The following COL21A1 variants were observed in gnomAD, a reference collection of about 807,000 sequenced individuals.
The protein encoded by COL21A1 is collagen type XXI alpha 1 chain, also known as collagen alpha-1(XXI) chain.
Under a neutral mutation model 137.9 loss-of-function variants are expected in COL21A1, and 149 were observed. The ratio of observed to expected loss-of-function variants is 1.08; its 90% CI spans 0.95 to 1.24. The LOEUF is 1.24. COL21A1 is among the 50% of genes most tolerant of loss of function. The probability of loss-of-function intolerance (pLI) is 0.00; values close to 1 mark genes in which losing one functional copy is unlikely to be tolerated. For synonymous variants in COL21A1, 456 were observed against 391.5 expected, an observed-to-expected ratio of 1.16 and a Z score of -1.95; for missense variants, 1,167 against 1,158.4, an observed-to-expected ratio of 1.01 and a Z score of -0.11.
chr6:56,386,454 T>G (rs1284030552), intron 1 of COL21A1, among the ~76,000 whole-genome samples: 1 of 152,202 alleles, frequency 6.6e-6, no homozygotes, highest in African/African-American at 2.4e-5. Flanking sequence ...TTACTATACC[T>G]AGGAGTGGAA....
intron 1 of COL21A1, among the ~76,000 whole-genome samples, chr6:56,210,700 A>G (rs1206191888): frequency 6.6e-6 from 1 of 152,206 alleles, no homozygotes; most frequent in Non-Finnish European, 1.5e-5. Context: ...GCTTTTGCCA[A>G]TAAAAAGTAA....
intron 12 of COL21A1, among the ~76,000 whole-genome samples, chr6:56,130,165 T>TTTTATATATATA (rs1414609284): frequency 3.6e-4 from 39 of 107,882 alleles, no homozygotes; most frequent in Non-Finnish European, 5.1e-4. Context: ...TGACAGGGTT[T>TTTTATATATATA]TATATATATA....
chr6:56,310,228 G>A (rs1404769460), intron 1 of COL21A1, among the ~76,000 whole-genome samples: 2 of 152,188 alleles, frequency 1.3e-5, no homozygotes, highest in Non-Finnish European at 2.9e-5. Flanking sequence ...GATTCCTGCA[G>A]ATACAGCCTG....
intron 1 of COL21A1, among the ~76,000 whole-genome samples, chr6:56,196,843 A>G (rs1182176782): frequency 2.0e-5 from 3 of 152,130 alleles, no homozygotes; most frequent in Non-Finnish European, 2.9e-5. Context: ...CATTATCAAG[A>G]TCCCAATGGC....
chr6:56,377,221 C>G (rs948442312), intron 1 of COL21A1, among the ~76,000 whole-genome samples: 1 of 152,074 alleles, frequency 6.6e-6, no homozygotes, highest in African/African-American at 2.4e-5. Context: ...AAACTCCTGA[C>G]CTTGTGATCC....
At chr6:56,392,981 G>A (rs1300704629) in intron 1 of COL21A1, among the ~76,000 whole-genome samples, 1 of 135,920 alleles carries the variant, frequency 7.4e-6, no homozygotes, top group Non-Finnish European at 1.6e-5. Context: ...ATTCTTCACA[G>A]AAAAAGAAAG....
chr6:56,363,468 G>T (rs1413906848), intron 1 of COL21A1, among the ~76,000 whole-genome samples: 3 of 152,144 alleles, frequency 2.0e-5, no homozygotes, highest in Admixed American at 2.0e-4. Flanking sequence ...TTGAATCCAG[G>T]TCTTTGGACT....
At chr6:56,380,368 T>A (rs115226208) in intron 1 of COL21A1, among the ~76,000 whole-genome samples, 2,211 of 152,306 alleles carry the variant, frequency 0.015, 52 homozygotes, top group African/African-American at 0.049. Flanking sequence ...TTTATAGCAA[T>A]GCAAAATGGA....
Position 56,106,638 on chromosome 6 carries a change from A to G in COL21A1, c.1759-5113T>C, listed in dbSNP as rs551171137. ...TATTACAGGTCAAAATATATACAGG[A>G]TAGTTCAAATTTGAAAAGAATTGGC... On this transcript the variant is annotated intron_variant, in intron 16 of 29. Transcript: ENST00000244728. Among the ~76,000 whole-genome samples, 84 of 152,348 alleles carry G rather than the reference A, an allele frequency of 5.5e-4. 2 individuals carry two copies. The South Asian group carries it at 0.016, about 30-fold the overall frequency.
At chr6:56,076,441 C>A (rs1400846465) in intron 18 of COL21A1, among the ~76,000 whole-genome samples, 1 of 150,636 alleles carries the variant, frequency 6.6e-6, no homozygotes, top group East Asian at 2.0e-4. Context: ...TTGTTAGAAA[C>A]AGAATTTAGA....
Position 56,075,543 on chromosome 6 carries a change from CA to C in COL21A1, c.1858-12del, listed in dbSNP as rs1389670985. The C allele has an allele frequency of 2.0e-6, 3 of 1,507,716 alleles. No homozygotes were observed. The highest frequency in any genetic ancestry group is 2.7e-6 in the Non-Finnish European group (3 of 1,126,178). The allele number at this position is 1,507,716 out of a possible 1,614,324, so 93.4% of individuals were successfully genotyped here. ...AGGCCCAATTTCTCCCTAAAAAAAT[CA>C]AACATTAAAAACATTATAAATTGTA... On this transcript the variant is annotated splice_polypyrimidine_tract_variant and intron_variant, in intron 18 of 29. Coordinates refer to ENST00000244728, the MANE Select transcript of COL21A1 (RefSeq NM_030820.4).
intron 16 of COL21A1, among the ~76,000 whole-genome samples, chr6:56,120,594 C>T (rs1208000116): frequency 6.6e-6 from 1 of 151,954 alleles, no homozygotes; most frequent in South Asian, 2.1e-4. Flanking sequence ...GTCAGGAATT[C>T]GAGAACAGCC....
At chr6:56,343,498 C>T (rs1012406720) in intron 1 of COL21A1, among the ~76,000 whole-genome samples, 5 of 152,192 alleles carry the variant, frequency 3.3e-5, no homozygotes, top group Admixed American at 3.3e-4. Context: ...AACTTTATTT[C>T]GACCACATGT....
intron 1 of COL21A1, among the ~76,000 whole-genome samples, chr6:56,231,984 A>G (rs939659198): frequency 6.6e-6 from 1 of 151,880 alleles, no homozygotes; most frequent in African/African-American, 2.4e-5. Flanking sequence ...GAGATTTCTT[A>G]AACTATTTGA....
intron 1 of COL21A1, among the ~76,000 whole-genome samples, chr6:56,270,199 C>G (rs142242024): frequency 6.6e-6 from 1 of 152,172 alleles, no homozygotes; most frequent in Non-Finnish European, 1.5e-5. Context: ...GTGATACCCA[C>G]AGGCTCAATG....
At chr6:56,070,970 T>C (rs1766693972) in intron 20 of COL21A1, among the ~76,000 whole-genome samples, 172 bp from the exon 21 acceptor site, 1 of 151,540 alleles carries the variant, frequency 6.6e-6, no homozygotes, top group African/African-American at 2.4e-5. Context: ...AAAAAATCTT[T>C]TAGGCAAGGA....
chr6:56,171,083 CT>C lies in COL21A1; in HGVS notation c.685del (p.Arg229GlyfsTer7), dbSNP rs1004048556. On this transcript the variant is annotated frameshift_variant, in exon 4 of 30. Transcript: ENST00000244728. LOFTEE classifies it high-confidence loss of function. ...TAAACCTAAAAGAATATCAAATCCC[CT>C]TTCATCACGAGCTGCCACTGGAATT... Reference protein sequence around the residue: ...TRIPVAARDERGFDILLGLDV... With the variant: ...TRIPVAARDEXGFDILLGLDV... 6.2e-7 allele frequency: 1 copy of C among 1,608,512 alleles called. No homozygotes were observed. Among genetic ancestry groups the C allele is most frequent in the Middle Eastern group, 1.7e-4 (1 of 6,010 alleles).
chr6:56,117,187 C>T (rs904770702), intron 16 of COL21A1, among the ~76,000 whole-genome samples: 20 of 152,004 alleles, frequency 1.3e-4, no homozygotes, highest in African/African-American at 4.8e-4. Context: ...ACCCATTGAT[C>T]TATTGCCTAC....
intron 1 of COL21A1, among the ~76,000 whole-genome samples, chr6:56,312,775 T>C (rs9396201): frequency 0.87 from 131,882 of 152,068 alleles, 58,984 homozygotes; most frequent in South Asian, 0.99. Flanking sequence ...AGAATGAGAA[T>C]AATGGACTGA....
Sources: gnomAD v4.1 joint callset for allele counts (sites outside exome capture counted in the v4.1 genomes callset) on GRCh38, gnomAD v4.1.1 for gene constraint, MANE v1.5 for transcripts, NCBI Gene and HGNC (gene_info 2026-07-23, HGNC 2026-07-21) for gene names.